The following LRP1B variants were observed in gnomAD, a reference collection of about 807,000 sequenced individuals.
The protein encoded by LRP1B is low-density lipoprotein receptor-related protein 1B.
In LRP1B, 217 loss-of-function variants were observed where a neutral mutation model predicts 556.6. The ratio of observed to expected loss-of-function variants is 0.39; its 90% CI spans 0.35 to 0.44. The LOEUF is 0.44. LRP1B is among the 20% of genes least tolerant of loss of function. The pLI is 1.00. For missense variants in LRP1B, 5,053 were observed against 5,620.8 expected (o/e 0.90, Z 3.23); for synonymous variants, 2,047 against 1,865.8 (o/e 1.10, Z -2.50).
At chr2:141,925,998 T>C (rs945405042) in intron 1 of LRP1B, among the ~76,000 whole-genome samples, 5 of 152,214 alleles carry the variant, frequency 3.3e-5, no homozygotes, top group African/African-American at 1.2e-4. Context: ...GTTTTATACA[T>C]TGTAGTCATT....
chr2:141,322,485 G>A (rs977609844), intron 3 of LRP1B, among the ~76,000 whole-genome samples: 4 of 152,040 alleles, frequency 2.6e-5, no homozygotes, highest in Non-Finnish European at 4.4e-5. Flanking sequence ...AAAACTGAAA[G>A]CAGAGAAGAT....
chr2:140,510,091 TCTG>T, intron 51 of LRP1B, 35 bp from the exon 52 acceptor site: 1 of 1,605,704 alleles, frequency 6.2e-7, no homozygotes, highest in Non-Finnish European at 8.5e-7. Flanking sequence ...TTAAGATTAC[TCTG>T]TGTCCACTGG....
At chr2:140,826,837 G>C (rs527496890) in intron 31 of LRP1B, among the ~76,000 whole-genome samples, 6 of 152,238 alleles carry the variant, frequency 3.9e-5, no homozygotes, top group Non-Finnish European at 7.4e-5. Context: ...GGTGGGATTA[G>C]AAACCTCAGC....
At chr2:140,659,107 T>TTG (rs1684997146) in intron 41 of LRP1B, among the ~76,000 whole-genome samples, 1 of 131,056 alleles carries the variant, frequency 7.6e-6, no homozygotes, top group South Asian at 2.2e-4. Flanking sequence ...TGTTTTTTTT[T>TTG]TTTTTTTTTT....
At chr2:141,667,295 T>A (rs1477626664) in intron 2 of LRP1B, among the ~76,000 whole-genome samples, 2 of 152,180 alleles carry the variant, frequency 1.3e-5, no homozygotes, top group Non-Finnish European at 2.9e-5. Context: ...CAAATTTCAA[T>A]TAGGATTTCC....
At chr2:140,849,681 A>G (rs1305094344) in intron 29 of LRP1B, among the ~76,000 whole-genome samples, 2 of 152,090 alleles carry the variant, frequency 1.3e-5, no homozygotes, top group African/African-American at 4.8e-5. Flanking sequence ...CTGGGATTAC[A>G]TGTGTGCACC....
intron 63 of LRP1B, among the ~76,000 whole-genome samples, chr2:140,449,904 C>A (rs542030092): frequency 3.9e-5 from 6 of 152,090 alleles, no homozygotes; most frequent in East Asian, 3.9e-4. Flanking sequence ...ATTGGAGTGA[C>A]CTATGGAGTG....
chr2:141,006,786 C>A (rs1281598296), intron 14 of LRP1B, among the ~76,000 whole-genome samples: 1 of 151,962 alleles, frequency 6.6e-6, no homozygotes, highest in Non-Finnish European at 1.5e-5. Flanking sequence ...TGCTACGGTA[C>A]TGAATACTGT....
At chr2:141,886,300 C>T (rs775630826) in intron 1 of LRP1B, among the ~76,000 whole-genome samples, 17 of 151,654 alleles carry the variant, frequency 1.1e-4, no homozygotes, top group Non-Finnish European at 1.6e-4. Flanking sequence ...TATTTTTCTG[C>T]AGAAAAAAAA....
intron 1 of LRP1B, among the ~76,000 whole-genome samples, chr2:142,013,011 A>G (rs992766106): frequency 1.5e-4 from 23 of 152,184 alleles, no homozygotes; most frequent in Admixed American, 2.0e-4. Context: ...AGAAGTGGGA[A>G]AGCACTGAGA....
chr2:140,533,150 T>C (rs1334255661), intron 47 of LRP1B, among the ~76,000 whole-genome samples: 1 of 151,880 alleles, frequency 6.6e-6, no homozygotes, highest in Non-Finnish European at 1.5e-5. Flanking sequence ...AGGCTTTCAA[T>C]GTCAGACTAA....
chr2:141,178,817 C>A (rs902925183), intron 7 of LRP1B, among the ~76,000 whole-genome samples: 4 of 151,846 alleles, frequency 2.6e-5, no homozygotes, highest in African/African-American at 9.7e-5. Flanking sequence ...GATTCTACAG[C>A]TATAAAATGA....
intron 1 of LRP1B, among the ~76,000 whole-genome samples, chr2:141,922,746 A>G (rs1416437441): frequency 6.6e-6 from 1 of 152,138 alleles, no homozygotes. Flanking sequence ...AGAGTCACAC[A>G]TATTTCACTG....
intron 43 of LRP1B, among the ~76,000 whole-genome samples, chr2:140,573,851 C>G (rs1681419144): frequency 6.6e-6 from 1 of 151,846 alleles, no homozygotes; most frequent in Non-Finnish European, 1.5e-5. Flanking sequence ...GGATGTTGGC[C>G]CGGCAATTCT....
At chr2:140,299,350 A>G (rs986083511) in intron 83 of LRP1B, among the ~76,000 whole-genome samples, 4 of 152,106 alleles carry the variant, frequency 2.6e-5, no homozygotes, top group African/African-American at 9.7e-5. Context: ...CAAAAATGCT[A>G]GAGACTGATG....
chr2:140,326,916 C>A (rs557584110), intron 79 of LRP1B, among the ~76,000 whole-genome samples: 26 of 151,962 alleles, frequency 1.7e-4, no homozygotes, highest in Non-Finnish European at 3.2e-4. Flanking sequence ...TGGAATCCAT[C>A]CAGTATATTT....
rs1417592688 is a variant in LRP1B, at chr2:141,822,118, C to CAGAGAGAG, written c.83-11718_83-11717insCTCTCTCT. Among the ~76,000 whole-genome samples, 500 of 102,874 alleles carry CAGAGAGAG rather than the reference C, an allele frequency of 4.9e-3. 4 individuals carry two copies. Among genetic ancestry groups the CAGAGAGAG allele is most frequent in the African/African-American group, 0.02 (468 of 23,786 alleles). The allele number at this position is 102,874 out of a possible 152,430, so 67.5% of individuals were successfully genotyped here. On this transcript the variant is annotated intron_variant, in intron 1 of 90. Coordinates refer to ENST00000389484, the MANE Select transcript of LRP1B (RefSeq NM_018557.3). ...ACACACACACACACACACACACACA[C>CAGAGAGAG]ACACACACACACAGAGAGAGAGAGA...
chr2:141,871,918 A>G (rs1340798489), intron 1 of LRP1B, among the ~76,000 whole-genome samples: 1 of 151,972 alleles, frequency 6.6e-6, no homozygotes, highest in Non-Finnish European at 1.5e-5. Context: ...AACAAGGAGG[A>G]AATATACCCT....
chr2:141,790,333 A>T (rs1439727925), intron 2 of LRP1B, among the ~76,000 whole-genome samples: 1 of 151,606 alleles, frequency 6.6e-6, no homozygotes, highest in Non-Finnish European at 1.5e-5. Flanking sequence ...TAGAAAAAAA[A>T]AACTCCACAA....
Sources: gnomAD v4.1 joint callset for allele counts (sites outside exome capture counted in the v4.1 genomes callset) on GRCh38, gnomAD v4.1.1 for gene constraint, MANE v1.5 for transcripts, NCBI Gene and HGNC (gene_info 2026-07-23, HGNC 2026-07-21) for gene names.